THSD7B: variants seen among roughly 807,000 people sequenced by gnomAD.
THSD7B encodes thrombospondin type-1 domain-containing protein 7B.
THSD7B carries 138 observed loss-of-function variants against 213.6 expected under a neutral mutation model. That is an observed-to-expected ratio of 0.65 (90% confidence interval 0.56 to 0.74). The LOEUF is 0.74. Among genes scored for constraint, THSD7B ranks in the 30% least tolerant of loss-of-function variants. THSD7B has a pLI of 0.00. For synonymous variants in THSD7B, 742 were observed against 687.0 expected (o/e 1.08, Z -1.25); for missense variants, 1,931 against 1,991.5 (o/e 0.97, Z 0.58).
chr2:137,366,619 A>G (rs904669374), intron 12 of THSD7B, among the ~76,000 whole-genome samples: 1 of 150,876 alleles, frequency 6.6e-6, no homozygotes, highest in Non-Finnish European at 1.5e-5. Flanking sequence ...CTATTGACAT[A>G]CAATCGTAAA....
chr2:137,354,868 G>A (rs1028807753), intron 12 of THSD7B, among the ~76,000 whole-genome samples: 4 of 151,492 alleles, frequency 2.6e-5, no homozygotes, highest in African/African-American at 9.7e-5. Flanking sequence ...CTAATCAAAA[G>A]GGAATATTCT....
At chr2:137,241,164 G>T (rs1207969397) in intron 9 of THSD7B, among the ~76,000 whole-genome samples, 3 of 152,148 alleles carry the variant, frequency 2.0e-5, no homozygotes, top group African/African-American at 7.2e-5. Flanking sequence ...AAGAATGTAG[G>T]CAGAGCACTT....
At chr2:136,854,077 A>G (rs1242602233) in intron 1 of THSD7B, among the ~76,000 whole-genome samples, 1 of 152,130 alleles carries the variant, frequency 6.6e-6, no homozygotes, top group Non-Finnish European at 1.5e-5. Context: ...AGAATTAGCT[A>G]TTTATTCCTG....
intron 7 of THSD7B, among the ~76,000 whole-genome samples, chr2:137,176,814 A>G (rs987698495): frequency 2.6e-5 from 4 of 152,096 alleles, no homozygotes; most frequent in Non-Finnish European, 5.9e-5. Flanking sequence ...TGTATGTTTG[A>G]AGCTGTTTCC....
At chr2:137,071,942 G>T (rs1468931977) in intron 3 of THSD7B, among the ~76,000 whole-genome samples, 1 of 152,074 alleles carries the variant, frequency 6.6e-6, no homozygotes, top group South Asian at 2.1e-4. Context: ...ATTTCTGAGG[G>T]CTCTGTTCTG....
chr2:137,327,583 C>G (rs972322898), intron 12 of THSD7B, among the ~76,000 whole-genome samples: 3 of 152,090 alleles, frequency 2.0e-5, no homozygotes, highest in African/African-American at 7.2e-5. Context: ...TACTCCCCAT[C>G]TTGCTTTCTC....
At chr2:137,237,069 C>T (rs547606458) in intron 9 of THSD7B, among the ~76,000 whole-genome samples, 163 of 147,888 alleles carry the variant, frequency 1.1e-3, no homozygotes, top group African/African-American at 3.5e-3. Flanking sequence ...TGAGATGGCA[C>T]GCCATTACAC....
intron 2 of THSD7B, among the ~76,000 whole-genome samples, chr2:137,010,396 C>T (rs1686207496): frequency 6.6e-6 from 1 of 152,192 alleles, no homozygotes; most frequent in Non-Finnish European, 1.5e-5. Flanking sequence ...CTGTTAAGTT[C>T]CATGACCTGC....
At chr2:137,164,014 G>A (rs1680069719) in intron 6 of THSD7B, among the ~76,000 whole-genome samples, 1 of 152,142 alleles carries the variant, frequency 6.6e-6, no homozygotes, top group Admixed American at 6.6e-5. Context: ...GAAGCCATCT[G>A]CCCATCATGC....
intron 7 of THSD7B, among the ~76,000 whole-genome samples, chr2:137,229,851 A>T (rs1202686994): frequency 6.6e-6 from 1 of 152,172 alleles, no homozygotes; most frequent in Non-Finnish European, 1.5e-5. Context: ...AGCCTGAATG[A>T]TATATGCAAA....
intron 7 of THSD7B, among the ~76,000 whole-genome samples, chr2:137,214,942 T>C (rs1681203034): frequency 1.3e-5 from 2 of 152,236 alleles, no homozygotes; most frequent in South Asian, 4.1e-4. Flanking sequence ...CCTTTGGGTA[T>C]ATACCCAGTA....
chr2:136,828,644 A>G (rs568442507), intron 1 of THSD7B, among the ~76,000 whole-genome samples: 4 of 152,298 alleles, frequency 2.6e-5, no homozygotes, highest in African/African-American at 4.8e-5. Flanking sequence ...TTCTTGACAC[A>G]TGTTCTTCTT....
chr2:137,508,230 A>T (rs138129074), intron 15 of THSD7B, among the ~76,000 whole-genome samples: 33 of 151,912 alleles, frequency 2.2e-4, no homozygotes, highest in East Asian at 5.8e-4. Context: ...TCTCTTTTTA[A>T]ATTTCTGGTT....
At chr2:137,662,062 CTTTTTTTT>C (rs778872364) in intron 25 of THSD7B, among the ~76,000 whole-genome samples, 2 of 132,658 alleles carry the variant, frequency 1.5e-5, no homozygotes, top group Admixed American at 1.6e-4. Flanking sequence ...TTTCTTTTTT[CTTTTTTTT>C]TTTTTTTTTG....
intron 9 of THSD7B, among the ~76,000 whole-genome samples, chr2:137,234,268 G>T (rs1212420413): frequency 6.6e-6 from 1 of 152,174 alleles, no homozygotes; most frequent in African/African-American, 2.4e-5. Flanking sequence ...TTGATGTTCT[G>T]CCTAATTCAA....
chr2:137,319,765 G>A (rs1228496530), intron 12 of THSD7B, among the ~76,000 whole-genome samples: 4 of 151,982 alleles, frequency 2.6e-5, no homozygotes, highest in Non-Finnish European at 4.4e-5. Flanking sequence ...CTTTTTTTTA[G>A]AGGTGCCAGC....
intron 12 of THSD7B, among the ~76,000 whole-genome samples, chr2:137,293,576 T>C (rs138886763): frequency 2.2e-4 from 34 of 152,244 alleles, no homozygotes; most frequent in South Asian, 1.7e-3. Context: ...GTTCTCTTCA[T>C]TGCAATTTTA....
intron 12 of THSD7B, among the ~76,000 whole-genome samples, chr2:137,391,604 T>C (rs1162190701): frequency 2.6e-5 from 4 of 151,980 alleles, no homozygotes; most frequent in African/African-American, 9.7e-5. Context: ...GGAGAACCAC[T>C]TGAACCCAGG....
intron 15 of THSD7B, among the ~76,000 whole-genome samples, chr2:137,558,329 A>G (rs1300695913): frequency 6.6e-6 from 1 of 152,200 alleles, no homozygotes; most frequent in Non-Finnish European, 1.5e-5. Flanking sequence ...ATACTGGCAA[A>G]CTGAATCCAG....
Sources: allele counts gnomAD v4.1 joint callset (sites outside exome capture counted in the v4.1 genomes callset), GRCh38; gene constraint gnomAD v4.1.1; transcripts MANE v1.5; gene names NCBI Gene and HGNC (gene_info 2026-07-23, HGNC 2026-07-21).